Variants in TSHZ3 observed in about 807,000 individuals in gnomAD.
TSHZ3 encodes the protein teashirt zinc finger homeobox 3.
Under a neutral mutation model 64.5 loss-of-function variants are expected in TSHZ3, and 10 were observed. The observed-to-expected ratio is 0.16, with a 90% confidence interval of 0.10 to 0.26. The LOEUF (loss-of-function observed/expected upper bound fraction) is 0.26, where lower values mean the gene tolerates loss of function less well. Among genes scored for constraint, TSHZ3 ranks in the 10% least tolerant of loss-of-function variants. The pLI is 1.00. For missense variants in TSHZ3, 1,242 were observed against 1,421.7 expected, an observed-to-expected ratio of 0.87 and a Z score of 2.03; for synonymous variants, 608 against 593.1, an observed-to-expected ratio of 1.03 and a Z score of -0.36.
At chr19:31,193,443 G>A (rs1169094163) in intron 5 of TSHZ3, among the ~76,000 whole-genome samples, 1 of 152,136 alleles carries the variant, frequency 6.6e-6, no homozygotes, top group Non-Finnish European at 1.5e-5. Context: ...AATCTCAAAA[G>A]ACTTGAATGC....
At chr19:31,201,322 G>T (rs1007461002) in intron 5 of TSHZ3, among the ~76,000 whole-genome samples, 12 of 152,086 alleles carry the variant, frequency 7.9e-5, no homozygotes, top group African/African-American at 2.7e-4. Context: ...ATCTCTTCGT[G>T]TTGATTAAAT....
chr19:31,301,007 G>C (rs1599635252), intron 1 of TSHZ3, among the ~76,000 whole-genome samples: 1 of 152,112 alleles, frequency 6.6e-6, no homozygotes, highest in Non-Finnish European at 1.5e-5. Flanking sequence ...GTCTCTGACA[G>C]CATATTTACA....
At chr19:31,285,310 T>C (rs1247887324) in intron 1 of TSHZ3, among the ~76,000 whole-genome samples, 1 of 152,050 alleles carries the variant, frequency 6.6e-6, no homozygotes, top group Non-Finnish European at 1.5e-5. Flanking sequence ...CAAGACCTCA[T>C]CTTTATAATT....
intron 5 of TSHZ3, among the ~76,000 whole-genome samples, chr19:31,187,795 T>C (rs538691638): frequency 2.0e-5 from 3 of 152,274 alleles, no homozygotes; most frequent in Admixed American, 6.5e-5. Flanking sequence ...TATTTGTCTG[T>C]TTCACACCAA....
intron 5 of TSHZ3, among the ~76,000 whole-genome samples, chr19:31,171,626 A>G (rs1034715458): frequency 2.0e-5 from 3 of 152,050 alleles, no homozygotes; most frequent in Non-Finnish European, 4.4e-5. Flanking sequence ...AAAAAAACCC[A>G]TAAACCTCAG....
intron 1 of TSHZ3, among the ~76,000 whole-genome samples, chr19:31,285,729 A>G (rs1976448249): frequency 7.9e-6 from 1 of 126,272 alleles, no homozygotes; most frequent in Admixed American, 1.0e-4. Context: ...GACTGCAGTG[A>G]GCTGTGATCG....
intron 4 of TSHZ3, among the ~76,000 whole-genome samples, chr19:31,226,843 T>G (rs1975469650): frequency 6.6e-6 from 1 of 152,272 alleles, no homozygotes; most frequent in Admixed American, 6.5e-5. Flanking sequence ...AGGTCACATA[T>G]ATTAGCAGAT....
At chr19:31,217,557 GC>G (rs1975350394) in intron 4 of TSHZ3, among the ~76,000 whole-genome samples, 1 of 152,034 alleles carries the variant, frequency 6.6e-6, no homozygotes, top group South Asian at 2.1e-4. Flanking sequence ...TTTCCCATGT[GC>G]CCCCTGCATT....
At chr19:31,191,631 A>C (rs1300588915) in intron 5 of TSHZ3, among the ~76,000 whole-genome samples, 1 of 152,108 alleles carries the variant, frequency 6.6e-6, no homozygotes, top group Non-Finnish European at 1.5e-5. Context: ...CTGAGGTGGG[A>C]GGTTCACTTG....
chr19:31,204,937 T>C (rs1409017837), intron 5 of TSHZ3: 1 of 152,250 alleles, frequency 6.6e-6, no homozygotes, highest in African/African-American at 2.4e-5. Context: ...ACACACCATG[T>C]AGATAAGTTA....
chr19:31,177,833 ATT>A (rs1231941268), intron 5 of TSHZ3, among the ~76,000 whole-genome samples: 1 of 152,184 alleles, frequency 6.6e-6, no homozygotes, highest in African/African-American at 2.4e-5. Flanking sequence ...TCATTGCCCC[ATT>A]TTATAGCACT....
chr19:31,153,578 A>C (rs141268134), intron 6 of TSHZ3, among the ~76,000 whole-genome samples: 1 of 152,232 alleles, frequency 6.6e-6, no homozygotes, highest in South Asian at 2.1e-4. Context: ...CGTAGTTGCT[A>C]TCACTTGACT....
chr19:31,205,937 G>A (rs1262966178), intron 4 of TSHZ3, among the ~76,000 whole-genome samples: 1 of 152,232 alleles, frequency 6.6e-6, no homozygotes, highest in East Asian at 1.9e-4. Flanking sequence ...ATACATGGTT[G>A]GCTGGATGGA....
chr19:31,272,526 C>A (rs1176018944), downstream of TSHZ3, among the ~76,000 whole-genome samples: 1 of 152,134 alleles, frequency 6.6e-6, no homozygotes, highest in African/African-American at 2.4e-5. Context: ...ATAACCAACC[C>A]TCTCTAACTT....
chr19:31,246,191 A>G (rs1351256675), intron 1 of TSHZ3, among the ~76,000 whole-genome samples: 9 of 152,238 alleles, frequency 5.9e-5, no homozygotes, highest in African/African-American at 1.9e-4. Flanking sequence ...TTATATAAAA[A>G]TAAGTCAAAA....
At chr19:31,256,429 C>T (rs567953692) in intron 1 of TSHZ3, among the ~76,000 whole-genome samples, 30 of 152,278 alleles carry the variant, frequency 2.0e-4, no homozygotes, top group African/African-American at 6.7e-4. Context: ...GGGCGAGACT[C>T]ACCTGTAAGC....
chr19:31,334,825 T>C (rs1174342191), intron 1 of TSHZ3, among the ~76,000 whole-genome samples: 1 of 152,188 alleles, frequency 6.6e-6, no homozygotes, highest in Non-Finnish European at 1.5e-5. Context: ...GGCTCCCATG[T>C]CAGAGAATCC....
intron 4 of TSHZ3, among the ~76,000 whole-genome samples, chr19:31,205,853 A>G (rs906750252): frequency 2.0e-5 from 3 of 152,240 alleles, no homozygotes; most frequent in Non-Finnish European, 2.9e-5. Flanking sequence ...GAAACTTTAT[A>G]ATTTGGAAAT....
Position 31,185,101 on chromosome 19 carries a change from C to CA in TSHZ3, n.809+19854dup, listed in dbSNP as rs1346715174. ...GTTAAAAAAACAAACAAGGAAACAACAACAAAAAAAAAAACACAAGGGGAA... is the reference window on the plus strand; with the variant it reads ...GTTAAAAAAACAAACAAGGAAACAACAAACAAAAAAAAAAACACAAGGGGAA... On this transcript the variant is annotated intron_variant and non_coding_transcript_variant, in intron 5 of 6. Coordinates refer to the TSHZ3 transcript ENST00000651361. Among the ~76,000 whole-genome samples the CA allele has an allele frequency of 2.7e-4, 20 of 74,586 alleles. No individual in the cohort carries two copies. The East Asian group carries it at 5.9e-3, about 22-fold the overall frequency. The allele number at this position is 74,586 out of a possible 152,430, so 48.9% of individuals were successfully genotyped here.
Sources: gnomAD v4.1 joint callset for allele counts (sites outside exome capture counted in the v4.1 genomes callset) on GRCh38, gnomAD v4.1.1 for gene constraint, MANE v1.5 for transcripts, NCBI Gene and HGNC (gene_info 2026-07-23, HGNC 2026-07-21) for gene names.